Variants in CRADD observed in about 807,000 individuals in gnomAD.
The protein encoded by CRADD is death domain-containing protein CRADD.
CRADD carries 9 observed loss-of-function variants against 15.5 expected under a neutral mutation model. The observed-to-expected ratio is 0.58, with a 90% confidence interval of 0.35 to 1.01. The LOEUF (loss-of-function observed/expected upper bound fraction) is 1.01. Ranked by LOEUF, CRADD falls within the 50% of genes least tolerant of loss-of-function variation. The pLI, the probability that CRADD is intolerant of heterozygous loss-of-function variation, is 0.02. For missense variants in CRADD, 227 were observed against 250.3 expected (o/e 0.91, Z 0.63); for synonymous variants, 118 against 107.6 (o/e 1.10, Z -0.60).
At chr12:93,729,409 A>G (rs767506182) in intron 2 of CRADD, among the ~76,000 whole-genome samples, 1 of 152,240 alleles carries the variant, frequency 6.6e-6, no homozygotes, top group African/African-American at 2.4e-5. Flanking sequence ...CACAAAATAT[A>G]TACTTAATCT....
intron 2 of CRADD, among the ~76,000 whole-genome samples, chr12:93,709,522 C>G (rs533776226): frequency 8.1e-4 from 124 of 152,320 alleles, no homozygotes; most frequent in African/African-American, 2.9e-3. Flanking sequence ...ATTTGGTTTT[C>G]TGTTCCTGAG....
intron 2 of CRADD, among the ~76,000 whole-genome samples, chr12:93,832,128 A>G (rs946394233): frequency 6.6e-6 from 1 of 152,178 alleles, no homozygotes. Flanking sequence ...CATCAATCTA[A>G]TGAAGTTATT....
In CRADD at chr12:93,778,708, G is replaced by A. The variant is rs74701889; in HGVS notation, c.299-71262G>A. Among the ~76,000 whole-genome samples the A allele has an allele frequency of 1.1e-4, 14 of 132,584 alleles. No individual in the cohort carries two copies. In the South Asian group the frequency reaches 3.5e-3, roughly 33 times the overall value. 87.0% of individuals were successfully genotyped at this position (132,584 alleles called of 152,430 possible). ...CTCACTATTCATAGCCACACAGGGT[G>A]TTTTTTTTTGGTTGGTTTTTTTTTT... On this transcript the variant is annotated intron_variant, in intron 2 of 2. Transcript: ENST00000332896.
intron 2 of CRADD, among the ~76,000 whole-genome samples, chr12:93,782,452 C>G (rs1424506870): frequency 1.3e-5 from 2 of 151,810 alleles, no homozygotes; most frequent in African/African-American, 2.4e-5. Context: ...TGTAACAAAC[C>G]TGCACATTGT....
intron 2 of CRADD, among the ~76,000 whole-genome samples, chr12:93,890,140 G>A (rs1048809283): frequency 4.6e-5 from 7 of 152,154 alleles, no homozygotes; most frequent in Non-Finnish European, 8.8e-5. Flanking sequence ...AATTCCCCTG[G>A]GTTTAACTCT....
intron 2 of CRADD, among the ~76,000 whole-genome samples, chr12:93,843,965 A>G (rs1958081223): frequency 6.6e-6 from 1 of 151,724 alleles, no homozygotes; most frequent in South Asian, 2.1e-4. Context: ...CAAGTGATTC[A>G]CCCACCTTGT....
Position 93,748,601 on chromosome 12 carries a change from C to A in CRADD, c.298+69529C>A, listed in dbSNP as rs1037352216. On this transcript the variant is annotated intron_variant, in intron 2 of 2. Coordinates refer to ENST00000332896, the MANE Select transcript of CRADD (RefSeq NM_003805.5). ...GGATTACAGGCATGACCCACTGCGC[C>A]CAGCCAGGAACAAGATTCTTAAGCG... Among the ~76,000 whole-genome samples, 60 of 152,170 alleles carry A rather than the reference C, an allele frequency of 3.9e-4. 2 individuals are homozygous for A. The highest frequency in any genetic ancestry group is 1.4e-3 in the African/African-American group (57 of 41,440).
rs34146137 is a variant in CRADD, at chr12:93,787,305, GTTTT to G, written c.299-62643_299-62640del. Reference sequence around the variant, plus strand: ...CAGGACTGTAAAGTAGTATGACAGGGTTTTTTTTTTTTTTTTTTTTTTTTTAATA... The same window carrying G: ...CAGGACTGTAAAGTAGTATGACAGGGTTTTTTTTTTTTTTTTTTTTTAATA... On this transcript the variant is annotated intron_variant, in intron 2 of 2. Transcript: ENST00000332896. Among the ~76,000 whole-genome samples the G allele has an allele frequency of 6.7e-4, 83 of 124,740 alleles. No homozygotes were observed. The Middle Eastern group carries it at 0.025, about 38-fold the overall frequency. 81.8% of individuals were successfully genotyped at this position (124,740 alleles called of 152,430 possible).
At chr12:93,755,426 A>G (rs1304486104) in intron 2 of CRADD, among the ~76,000 whole-genome samples, 2 of 152,208 alleles carry the variant, frequency 1.3e-5, no homozygotes, top group Admixed American at 1.3e-4. Context: ...GCTTTGTCAT[A>G]TGCCCTACAT....
rs900936815 is a variant in CRADD, at chr12:93,827,662, A to C, written c.299-22308A>C. 2.0e-5 allele frequency among the ~76,000 whole-genome samples: 3 copies of C among 152,154 alleles called. No individual in the cohort carries two copies. The South Asian group carries it at 6.2e-4, about 32-fold the overall frequency. On this transcript the variant is annotated intron_variant, in intron 2 of 2. Coordinates refer to ENST00000332896, the MANE Select transcript of CRADD (RefSeq NM_003805.5). ...TTTTCCAAAGTGTTTGTCCCATTTT[A>C]TGATTCTATCAGCAGTGTATGAGAG...
In CRADD at chr12:93,733,741, GT is replaced by G. The variant is rs746205656; in HGVS notation, c.298+54684del. On this transcript the variant is annotated intron_variant, in intron 2 of 2. Coordinates refer to ENST00000332896, the MANE Select transcript of CRADD (RefSeq NM_003805.5). ...TCATTCATCCATTCATCCATCCTTT[GT>G]TTTTTTTTTTTTTTGAGGCAGCATC... 7.7e-3 allele frequency: 1,062 copies of G among 137,150 alleles called. 8 individuals carry two copies. Among genetic ancestry groups the G allele is most frequent in the African/African-American group, 0.024 (902 of 37,662 alleles). 8.5% of individuals were successfully genotyped at this position (137,150 alleles called of 1,614,324 possible).
At position 93,841,652 on chromosome 12, in the gene CRADD, C is replaced by G. The variant is rs565839034; in HGVS notation, c.299-8318C>G. On this transcript the variant is annotated intron_variant, in intron 2 of 2. Coordinates refer to ENST00000332896, the MANE Select transcript of CRADD (RefSeq NM_003805.5). ...TTCAGCAAACTTTCACTCCTCCTACCCCGTGGGAAGATTTAATTCCCTTTC... is the reference window on the plus strand; with the variant it reads ...TTCAGCAAACTTTCACTCCTCCTACGCCGTGGGAAGATTTAATTCCCTTTC... Among the ~76,000 whole-genome samples the G allele has an allele frequency of 2.0e-5, 3 of 152,278 alleles. No homozygotes were observed. The South Asian group carries it at 6.2e-4, about 32-fold the overall frequency.
intron 2 of CRADD, among the ~76,000 whole-genome samples, chr12:93,835,853 A>C (rs1957967037): frequency 6.6e-6 from 1 of 152,106 alleles, no homozygotes; most frequent in African/African-American, 2.4e-5. Flanking sequence ...TGTTTGGGTG[A>C]CTGTGGCCTT....
At chr12:93,730,504 A>G (rs1476493521) in intron 2 of CRADD, among the ~76,000 whole-genome samples, 1 of 152,212 alleles carries the variant, frequency 6.6e-6, no homozygotes, top group East Asian at 1.9e-4. Flanking sequence ...ATTGAAAGCT[A>G]CATTCTTTGA....
intron 2 of CRADD, among the ~76,000 whole-genome samples, chr12:93,857,028 CAATTAAGCCTTGTCTATTA>C (rs1958280380): frequency 6.6e-6 from 1 of 151,908 alleles, no homozygotes; most frequent in African/African-American, 2.4e-5. Context: ...TTCAGTGAGC[CAATTAAGCCTTGTCTATTA>C]AACTTATGCA....
chr12:93,806,978 T>C (rs1295997587), intron 2 of CRADD, among the ~76,000 whole-genome samples: 3 of 152,178 alleles, frequency 2.0e-5, no homozygotes, highest in African/African-American at 7.2e-5. Context: ...TGGCCAACCC[T>C]ACTCTTACAG....
chr12:93,811,757 C>A (rs1467139841), intron 2 of CRADD, among the ~76,000 whole-genome samples: 4 of 152,158 alleles, frequency 2.6e-5, no homozygotes. Flanking sequence ...CATACTCTTA[C>A]CATATGATCC....
chr12:93,741,469 T>G (rs1370687197), intron 2 of CRADD, among the ~76,000 whole-genome samples: 1 of 152,180 alleles, frequency 6.6e-6, no homozygotes, highest in Non-Finnish European at 1.5e-5. Context: ...TCAAAGAAGA[T>G]CCTACTCCAG....
At chr12:93,720,551 C>T (rs1956242910) in intron 2 of CRADD, among the ~76,000 whole-genome samples, 1 of 152,066 alleles carries the variant, frequency 6.6e-6, no homozygotes, top group South Asian at 2.1e-4. Flanking sequence ...CCTCTTTTTT[C>T]TTACAGTTCT....
Sources: gnomAD v4.1 joint callset for allele counts (sites outside exome capture counted in the v4.1 genomes callset) on GRCh38, gnomAD v4.1.1 for gene constraint, MANE v1.5 for transcripts, NCBI Gene and HGNC (gene_info 2026-07-23, HGNC 2026-07-21) for gene names.